Variants in RALYL observed in about 807,000 individuals in gnomAD.
The protein encoded by RALYL is RALY RNA binding protein like.
Under a neutral mutation model 35.1 loss-of-function variants are expected in RALYL, and 29 were observed. The observed-to-expected ratio is 0.83, with a 90% CI of 0.61 to 1.13. The LOEUF is 1.13. RALYL is among the 50% of genes most tolerant of loss of function. The pLI, the probability that RALYL is intolerant of heterozygous loss-of-function variation, is 0.00. For synonymous variants in RALYL, 120 were observed against 127.6 expected, an observed-to-expected ratio of 0.94 and a Z score of 0.40; for missense variants, 359 against 360.4, an observed-to-expected ratio of 1.00 and a Z score of 0.03.
chr8:84,333,145 G>C (rs938702845), intron 1 of RALYL, among the ~76,000 whole-genome samples: 1 of 152,092 alleles, frequency 6.6e-6, no homozygotes, highest in East Asian at 1.9e-4. Context: ...CCAAGAGAAT[G>C]GTCTCAAGTT....
intron 1 of RALYL, among the ~76,000 whole-genome samples, chr8:84,266,665 A>G (rs183008402): frequency 3.6e-4 from 55 of 152,322 alleles, no homozygotes; most frequent in African/African-American, 1.3e-3. Flanking sequence ...CTCAGTAGGT[A>G]AATGCCAGTC....
At chr8:84,582,815 G>T (rs903336231) in intron 2 of RALYL, among the ~76,000 whole-genome samples, 4 of 151,660 alleles carry the variant, frequency 2.6e-5, no homozygotes, top group Non-Finnish European at 5.9e-5. Flanking sequence ...GAATCTATAA[G>T]GTCAATTACC....
At chr8:84,403,925 T>G (rs2043196165) in intron 1 of RALYL, among the ~76,000 whole-genome samples, 3 of 152,248 alleles carry the variant, frequency 2.0e-5, no homozygotes, top group Admixed American at 2.0e-4. Context: ...CTAGGTATTT[T>G]ATTCTCTTTG....
chr8:84,391,778 G>A (rs1333345295), intron 1 of RALYL, among the ~76,000 whole-genome samples: 1 of 152,022 alleles, frequency 6.6e-6, no homozygotes, highest in East Asian at 1.9e-4. Context: ...AGCTCATTCT[G>A]AGACTTCAGT....
intron 2 of RALYL, among the ~76,000 whole-genome samples, chr8:84,672,898 T>G (rs931336136): frequency 6.6e-6 from 1 of 152,118 alleles, no homozygotes; most frequent in Non-Finnish European, 1.5e-5. Context: ...AAAGCTCCAG[T>G]TTCTGTAAAT....
At chr8:84,653,351 C>T (rs1194797073) in intron 2 of RALYL, among the ~76,000 whole-genome samples, 2 of 152,046 alleles carry the variant, frequency 1.3e-5, no homozygotes, top group Non-Finnish European at 2.9e-5. Context: ...AAAGCACCTA[C>T]ATGGCCCATA....
chr8:84,753,981 G>A (rs951403845), intron 2 of RALYL, among the ~76,000 whole-genome samples: 2 of 151,620 alleles, frequency 1.3e-5, no homozygotes, highest in Non-Finnish European at 2.9e-5. Flanking sequence ...CTTTTTGATG[G>A]GGTTGTTTGT....
chr8:84,230,025 G>A (rs926245025), intron 1 of RALYL, among the ~76,000 whole-genome samples: 2 of 152,114 alleles, frequency 1.3e-5, no homozygotes, highest in Middle Eastern at 3.2e-3. Context: ...TAATTAGTTT[G>A]AGAAGTAGGT....
At chr8:84,633,007 G>A (rs1438183000) in intron 2 of RALYL, among the ~76,000 whole-genome samples, 8 of 151,750 alleles carry the variant, frequency 5.3e-5, no homozygotes, top group Non-Finnish European at 1.2e-4. Context: ...GTTTATGATA[G>A]CAACTAACTG....
At chr8:84,221,072 A>G (rs1443950938) in intron 1 of RALYL, among the ~76,000 whole-genome samples, 1 of 152,026 alleles carries the variant, frequency 6.6e-6, no homozygotes, top group Non-Finnish European at 1.5e-5. Context: ...TGACTGTAAA[A>G]GAACAATAAT....
At chr8:84,559,765 A>T (rs1309855528) in intron 2 of RALYL, among the ~76,000 whole-genome samples, 1 of 152,018 alleles carries the variant, frequency 6.6e-6, no homozygotes, top group African/African-American at 2.4e-5. Context: ...ACATCTCAGG[A>T]TATGACCAAG....
intron 2 of RALYL, among the ~76,000 whole-genome samples, chr8:84,689,031 C>T (rs748484190): frequency 3.2e-4 from 48 of 151,502 alleles, no homozygotes; most frequent in South Asian, 4.2e-4. Context: ...AACTCATACA[C>T]TATTAGACTG....
At chr8:84,295,238 T>TACA (rs1456206738) in intron 1 of RALYL, among the ~76,000 whole-genome samples, 1 of 152,110 alleles carries the variant, frequency 6.6e-6, no homozygotes, top group African/African-American at 2.4e-5. Flanking sequence ...AGGATAAGGA[T>TACA]ACAACTAAGA....
intron 1 of RALYL, among the ~76,000 whole-genome samples, chr8:84,455,593 A>C (rs1489221479): frequency 6.6e-6 from 1 of 152,056 alleles, no homozygotes; most frequent in Non-Finnish European, 1.5e-5. Context: ...AAATATTGAA[A>C]AATGAATTTA....
At chr8:84,513,605 T>A (rs1249666371) in intron 1 of RALYL, among the ~76,000 whole-genome samples, 1 of 152,206 alleles carries the variant, frequency 6.6e-6, no homozygotes, top group Non-Finnish European at 1.5e-5. Flanking sequence ...TGCTGACATT[T>A]AATTAACATT....
At chr8:84,204,327 GATAA>G (rs1193755410) in intron 1 of RALYL, among the ~76,000 whole-genome samples, 1 of 151,942 alleles carries the variant, frequency 6.6e-6, no homozygotes, top group Non-Finnish European at 1.5e-5. Context: ...GAAAAACACT[GATAA>G]ATAAAATCTA....
chr8:84,739,889 G>A (rs1847972833), intron 2 of RALYL, among the ~76,000 whole-genome samples: 1 of 151,834 alleles, frequency 6.6e-6, no homozygotes, highest in Non-Finnish European at 1.5e-5. Context: ...CATAAGAATT[G>A]GAGTCACTAT....
chr8:84,643,868 T>C (rs1826917260), intron 2 of RALYL, among the ~76,000 whole-genome samples: 1 of 152,002 alleles, frequency 6.6e-6, no homozygotes, highest in African/African-American at 2.4e-5. Context: ...CTGTATATCT[T>C]GTCCCAGTGG....
At chr8:84,579,852 A>G (rs1810423190) in intron 2 of RALYL, among the ~76,000 whole-genome samples, 2 of 152,238 alleles carry the variant, frequency 1.3e-5, no homozygotes, top group Admixed American at 1.3e-4. Context: ...GATAAACAAT[A>G]TGAATCACAG....
Sources: allele counts gnomAD v4.1 joint callset (sites outside exome capture counted in the v4.1 genomes callset), GRCh38; gene constraint gnomAD v4.1.1; transcripts MANE v1.5; gene names NCBI Gene and HGNC (gene_info 2026-07-23, HGNC 2026-07-21).